Variants in ZNF143 observed in about 807,000 individuals in gnomAD.
ZNF143 encodes the protein zinc finger protein 143.
Under a neutral mutation model 74.1 loss-of-function variants are expected in ZNF143, and 49 were observed. The observed-to-expected ratio is 0.66, with a 90% CI of 0.53 to 0.84. The LOEUF is 0.84. ZNF143 is among the 40% of genes least tolerant of loss of function. The probability of loss-of-function intolerance (pLI) is 0.00; values close to 1 mark genes in which losing one functional copy is unlikely to be tolerated. For missense variants in ZNF143, 637 were observed against 793.4 expected (o/e 0.80, Z 2.37); for synonymous variants, 304 against 282.8 (o/e 1.07, Z -0.75).
Position 9,527,632 on chromosome 11 carries a change from A to G in ZNF143, c.*19A>G, listed in dbSNP as rs1357772816. The G allele has an allele frequency of 1.2e-6, 2 of 1,608,100 alleles. No homozygotes were observed. The highest frequency in any genetic ancestry group is 1.7e-6 in the Non-Finnish European group (2 of 1,175,086). Reference sequence around the variant, plus strand: ...TGATTAATCCTCAGAACAATGGAGCAATAAAGCAGAAGGAGTCTTTCATCT... The same window carrying G: ...TGATTAATCCTCAGAACAATGGAGCGATAAAGCAGAAGGAGTCTTTCATCT... On this transcript the variant is annotated 3_prime_UTR_variant, in exon 16 of 16. Coordinates refer to ENST00000396602, the MANE Select transcript of ZNF143 (RefSeq NM_003442.6).
intron 1 of ZNF143, among the ~76,000 whole-genome samples, chr11:9,466,542 C>T (rs1041843813): frequency 6.6e-6 from 1 of 152,026 alleles, no homozygotes; most frequent in African/African-American, 2.4e-5. Flanking sequence ...GTGATCCACC[C>T]ACCTCAGCCT....
Position 9,502,676 on chromosome 11 carries a change from C to T in ZNF143, c.1147+1406C>T, listed in dbSNP as rs376737217. 7.2e-5 allele frequency among the ~76,000 whole-genome samples: 11 copies of T among 151,806 alleles called. 1 individual carries two copies. Among genetic ancestry groups the T allele is most frequent in the African/African-American group, 2.7e-4 (11 of 41,310 alleles). On this transcript the variant is annotated intron_variant, in intron 11 of 15. Transcript: ENST00000396602. ...TCACAAGGTTGTGCAACCATCACCA[C>T]AATTCAATTTTAGAATATTTTCATT...
intron 1 of ZNF143, 128 bp from the exon 2 acceptor site, chr11:9,471,174 G>A: frequency 1.4e-6 from 1 of 727,632 alleles, no homozygotes; most frequent in South Asian, 2.1e-5. Context: ...TACATATTGA[G>A]TGAAATTTCA....
chr11:9,471,659 TC>T (rs113397412), intron 2 of ZNF143, among the ~76,000 whole-genome samples: 2,705 of 150,818 alleles, frequency 0.018, 73 homozygotes, highest in African/African-American at 0.06. Flanking sequence ...TCCAAGTGAT[TC>T]TCCTGCCTCA....
chr11:9,490,632 A>G (rs752116015), intron 7 of ZNF143, among the ~76,000 whole-genome samples: 1 of 151,894 alleles, frequency 6.6e-6, no homozygotes, highest in African/African-American at 2.4e-5. Context: ...TCCAGAGTAC[A>G]TGTGTTGCTG....
intron 5 of ZNF143, 110 bp from the exon 6 acceptor site, chr11:9,478,280 A>G: frequency 9.2e-7 from 1 of 1,087,230 alleles, no homozygotes; most frequent in Non-Finnish European, 1.3e-6. Context: ...TGCGTGGTCC[A>G]GTACTCAGAG....
chr11:9,469,633 A>G (rs936567444), intron 1 of ZNF143, among the ~76,000 whole-genome samples: 1 of 152,146 alleles, frequency 6.6e-6, no homozygotes, highest in Non-Finnish European at 1.5e-5. Context: ...ATGAACAGTT[A>G]TAGATTATGG....
intron 7 of ZNF143, among the ~76,000 whole-genome samples, chr11:9,490,417 G>T (rs1847729561): frequency 6.7e-6 from 1 of 150,358 alleles, no homozygotes; most frequent in Non-Finnish European, 1.5e-5. Context: ...ATGACAGCCT[G>T]GGATGACAGG....
rs1554964478 is a variant in ZNF143 at position 9,486,454 on chromosome 11, T to TATTA, written c.645+6908_645+6909insATTA. Among the ~76,000 whole-genome samples, 135 of 72,148 alleles carry TATTA rather than the reference T, an allele frequency of 1.9e-3. 2 individuals carry two copies. The highest frequency in any genetic ancestry group is 4.8e-3 in the Middle Eastern group (1 of 208). The allele number at this position is 72,148 out of a possible 152,430, so 47.3% of individuals were successfully genotyped here. A position where few individuals can be genotyped will look rare whatever the true frequency, so the allele number is the denominator to read the frequency against. On this transcript the variant is annotated intron_variant, in intron 7 of 15. Coordinates refer to ENST00000396602, the MANE Select transcript of ZNF143 (RefSeq NM_003442.6). Reference sequence around the variant, plus strand: ...TTATATATATAATATATTATATATATTATATATATATAAAAGCCCTGTTTT... The same window carrying TATTA: ...TTATATATATAATATATTATATATATATTATATATATATATAAAAGCCCTGTTTT...
At chr11:9,511,241 A>G (rs564801387) in intron 12 of ZNF143, among the ~76,000 whole-genome samples, 1 of 148,330 alleles carries the variant, frequency 6.7e-6, no homozygotes, top group South Asian at 2.1e-4. Context: ...CCTCCTGAGT[A>G]GCTGGTATTA....
At chr11:9,522,285 G>C (rs1002416202) in intron 14 of ZNF143, among the ~76,000 whole-genome samples, 1 of 151,976 alleles carries the variant, frequency 6.6e-6, no homozygotes, top group African/African-American at 2.4e-5. Context: ...AAGTGTTCCC[G>C]AGTAGCTGGG....
At chr11:9,494,788 A>T (rs1283083931) in intron 8 of ZNF143, 23 bp downstream of exon 8, 1 of 1,592,066 alleles carries the variant, frequency 6.3e-7, no homozygotes, top group East Asian at 2.2e-5. Flanking sequence ...GAAATGTTCT[A>T]TCTAGTTATG....
In ZNF143 at chr11:9,484,542, T is replaced by A. The variant is rs182768708; in HGVS notation, c.645+4996T>A. Reference sequence around the variant, plus strand: ...AACCTTGCTTTTCTAAGTCTCTTTTTTTCTACCTCTAAAAGAAAGGTATTA... The same window carrying A: ...AACCTTGCTTTTCTAAGTCTCTTTTATTCTACCTCTAAAAGAAAGGTATTA... On this transcript the variant is annotated intron_variant, in intron 7 of 15. Coordinates refer to ENST00000396602, the MANE Select transcript of ZNF143 (RefSeq NM_003442.6). Among the ~76,000 whole-genome samples, 46 of 150,782 alleles carry A rather than the reference T, an allele frequency of 3.1e-4. 5 individuals are homozygous for A. Among genetic ancestry groups the A allele is most frequent in the African/African-American group, 1.1e-3 (45 of 40,426 alleles).
intron 5 of ZNF143, among the ~76,000 whole-genome samples, chr11:9,477,170 CCT>C: frequency 7.3e-6 from 1 of 137,132 alleles, no homozygotes; most frequent in Admixed American, 7.4e-5. Flanking sequence ...TTCCTTCCTT[CCT>C]CCTCTCCCTT....
At chr11:9,498,841 T>C (rs1003162985) in intron 10 of ZNF143, among the ~76,000 whole-genome samples, 11 of 152,352 alleles carry the variant, frequency 7.2e-5, no homozygotes, top group African/African-American at 2.6e-4. Flanking sequence ...CTAATTTCCA[T>C]GTAGGATTCT....
In ZNF143 at chr11:9,479,953, T is replaced by C. The variant is rs116090405; in HGVS notation, c.645+407T>C. Among the ~76,000 whole-genome samples, 217 of 152,356 alleles carry C rather than the reference T, an allele frequency of 1.4e-3. 2 individuals are homozygous for C. Among genetic ancestry groups the C allele is most frequent in the African/African-American group, 5.1e-3 (213 of 41,570 alleles). On this transcript the variant is annotated intron_variant, in intron 7 of 15. Coordinates refer to ENST00000396602, the MANE Select transcript of ZNF143 (RefSeq NM_003442.6). ...GCTTTTTGTATTTTTAAATTTCTTC[T>C]TCTTCCAGCTGATTCCCTCCATATT...
chr11:9,475,908 A>ATGTGTGTGTGTG (rs1206618102), intron 5 of ZNF143, among the ~76,000 whole-genome samples: 3 of 117,674 alleles, frequency 2.5e-5, no homozygotes, highest in South Asian at 2.8e-4. Flanking sequence ...AAAAAAATAT[A>ATGTGTGTGTGTG]TATGTGTGTG....
chr11:9,486,354 A>ATATATATAT (rs1193986625), intron 7 of ZNF143, among the ~76,000 whole-genome samples: 1 of 57,022 alleles, frequency 1.8e-5, no homozygotes, highest in Non-Finnish European at 3.3e-5. Context: ...TATATATATT[A>ATATATATAT]TATATATATT....
intron 7 of ZNF143, among the ~76,000 whole-genome samples, chr11:9,486,371 A>ATAATATATATATAAT (rs1477531952): frequency 2.7e-4 from 10 of 36,718 alleles, no homozygotes; most frequent in Non-Finnish European, 4.5e-4. Flanking sequence ...TATTATATAT[A>ATAATATATATATAAT]ATATATTATA....
Sources: allele counts gnomAD v4.1 joint callset (sites outside exome capture counted in the v4.1 genomes callset), GRCh38; gene constraint gnomAD v4.1.1; transcripts MANE v1.5; gene names NCBI Gene and HGNC (gene_info 2026-07-23, HGNC 2026-07-21).